Variants in QTMAN observed in about 807,000 individuals in gnomAD.
The protein encoded by QTMAN is tRNA-queuosine alpha-mannosyltransferase.
At chr2:144,215,297 C>CATAT in the QTMAN span, among the ~76,000 whole-genome samples, 2 of 146,022 alleles carry the variant, frequency 1.4e-5, no homozygotes, top group African/African-American at 5.1e-5. Flanking sequence ...CACACACACA[C>CATAT]ATATATATAT....
At chr2:144,132,847 A>C in the QTMAN span, among the ~76,000 whole-genome samples, 1 of 151,564 alleles carries the variant, frequency 6.6e-6, no homozygotes, top group South Asian at 2.1e-4. Context: ...TCTGCCAAAA[A>C]GTTGTAGGTT....
chr2:144,108,426 T>A, the QTMAN span, among the ~76,000 whole-genome samples: 2 of 151,916 alleles, frequency 1.3e-5, no homozygotes, highest in South Asian at 4.2e-4. Context: ...GATCCCGAGG[T>A]CAGGAAATGG....
At chr2:144,213,583 ATTAG>A in the QTMAN span, among the ~76,000 whole-genome samples, 1 of 152,158 alleles carries the variant, frequency 6.6e-6, no homozygotes, top group African/African-American at 2.4e-5. Context: ...CCTTTCTGTT[ATTAG>A]TTAGTTGTAG....
At chr2:144,095,759 T>C in the QTMAN span, among the ~76,000 whole-genome samples, 6 of 152,180 alleles carry the variant, frequency 3.9e-5, no homozygotes, top group African/African-American at 1.4e-4. Flanking sequence ...AATCAATCTA[T>C]TGCTCGGTTT....
At chr2:144,221,635 C>G in the QTMAN span, among the ~76,000 whole-genome samples, 1 of 152,136 alleles carries the variant, frequency 6.6e-6, no homozygotes, top group Non-Finnish European at 1.5e-5. Context: ...AAAGAAGCTA[C>G]AACATTTTTC....
the QTMAN span, among the ~76,000 whole-genome samples, chr2:144,311,607 A>G: frequency 6.6e-6 from 1 of 152,242 alleles, no homozygotes; most frequent in African/African-American, 2.4e-5. Flanking sequence ...ATTACTTCTC[A>G]GTCACCCATT....
the QTMAN span, among the ~76,000 whole-genome samples, chr2:144,070,758 A>G: frequency 6.6e-6 from 1 of 152,158 alleles, no homozygotes; most frequent in Non-Finnish European, 1.5e-5. Context: ...ATTTCTTAAA[A>G]TTATACGTTT....
the QTMAN span, among the ~76,000 whole-genome samples, chr2:143,955,119 A>G: frequency 6.6e-6 from 1 of 152,196 alleles, no homozygotes; most frequent in Non-Finnish European, 1.5e-5. Context: ...AATGAGGATG[A>G]GACACAGTTG....
the QTMAN span, among the ~76,000 whole-genome samples, chr2:144,195,700 C>T: frequency 1.3e-5 from 2 of 152,110 alleles, no homozygotes; most frequent in Admixed American, 6.6e-5. Flanking sequence ...GAAATGGTTA[C>T]TTTCGTAAAG....
the QTMAN span, among the ~76,000 whole-genome samples, chr2:144,055,145 C>A: frequency 5.9e-5 from 9 of 152,244 alleles, no homozygotes; most frequent in Admixed American, 2.6e-4. Flanking sequence ...CTGGAAAAAC[C>A]TTCCAATCAG....
chr2:144,009,883 A>G, the QTMAN span, among the ~76,000 whole-genome samples: 1 of 152,062 alleles, frequency 6.6e-6, no homozygotes. Context: ...AATGACTATG[A>G]CACTATCTTC....
the QTMAN span, among the ~76,000 whole-genome samples, chr2:144,228,839 T>C: frequency 1.3e-5 from 2 of 152,086 alleles, no homozygotes; most frequent in African/African-American, 4.8e-5. Flanking sequence ...GTGCCTGTAA[T>C]CCCAGCTACT....
chr2:144,326,511 C>T, the QTMAN span, among the ~76,000 whole-genome samples: 7 of 144,580 alleles, frequency 4.8e-5, no homozygotes, highest in Admixed American at 1.4e-4. Context: ...GGCGTGAACC[C>T]GGGAGGTGGA....
At chr2:144,306,194 A>G in the QTMAN span, among the ~76,000 whole-genome samples, 1 of 152,192 alleles carries the variant, frequency 6.6e-6, no homozygotes, top group South Asian at 2.1e-4. Flanking sequence ...TTTTATTCTT[A>G]GAGTATTTTA....
the QTMAN span, among the ~76,000 whole-genome samples, chr2:144,069,397 A>G: frequency 6.6e-6 from 1 of 152,042 alleles, no homozygotes; most frequent in Non-Finnish European, 1.5e-5. Context: ...TCTGAAATGT[A>G]TATCTTGCAG....
At chr2:144,015,274 G>A in the QTMAN span, among the ~76,000 whole-genome samples, 3 of 152,160 alleles carry the variant, frequency 2.0e-5, no homozygotes, top group African/African-American at 4.8e-5. Flanking sequence ...AAACTCTCTC[G>A]TTTACACAAG....
the QTMAN span, among the ~76,000 whole-genome samples, chr2:144,239,026 T>C: frequency 2.0e-5 from 3 of 152,062 alleles, no homozygotes; most frequent in South Asian, 2.1e-4. Context: ...CCATGCCCTC[T>C]GCACTTCTGC....
At chr2:144,068,303 G>T in the QTMAN span, among the ~76,000 whole-genome samples, 1 of 151,920 alleles carries the variant, frequency 6.6e-6, no homozygotes, top group African/African-American at 2.4e-5. Flanking sequence ...CTGCAAATCA[G>T]CAAAATATTA....
the QTMAN span, among the ~76,000 whole-genome samples, chr2:144,040,193 A>G: frequency 7.5e-4 from 114 of 152,242 alleles, no homozygotes; most frequent in East Asian, 0.02. Flanking sequence ...TTTAGTTTTA[A>G]TTTTTATATG....
Sources: gnomAD v4.1 joint callset for allele counts (sites outside exome capture counted in the v4.1 genomes callset) on GRCh38, gnomAD v4.1.1 for gene constraint, MANE v1.5 for transcripts, NCBI Gene and HGNC (gene_info 2026-07-23, HGNC 2026-07-21) for gene names.